The following DCUN1D5 variants were observed in gnomAD, a reference collection of about 807,000 sequenced individuals.
DCUN1D5 encodes DCN1-like protein 5.
A neutral mutation model predicts 38.3 loss-of-function variants in DCUN1D5; 10 were observed. The observed-to-expected ratio is 0.26, with a 90% CI of 0.16 to 0.44. DCUN1D5 has a LOEUF of 0.44. Ranked by LOEUF, DCUN1D5 falls within the 20% of genes least tolerant of loss-of-function variation. DCUN1D5 has a pLI of 1.00. For synonymous variants in DCUN1D5, 93 were observed against 90.9 expected, an observed-to-expected ratio of 1.02 and a Z score of -0.13; for missense variants, 148 against 275.3, an observed-to-expected ratio of 0.54 and a Z score of 3.27.
rs1204227855 is a variant in DCUN1D5, at chr11:103,063,555, A to G, written c.658+720T>C. Among the ~76,000 whole-genome samples the G allele has an allele frequency of 6.6e-6, 1 of 152,152 alleles. No homozygotes were observed. Among genetic ancestry groups the G allele is most frequent in the Non-Finnish European group, 1.5e-5 (1 of 67,994 alleles). On this transcript the variant is annotated intron_variant, in intron 7 of 7. Transcript: ENST00000260247. The surrounding 1 kb of genome is among the most constrained non-coding windows in gnomAD (Gnocchi z 4.6). ...TTCAGTGTCACAGAAAAAAGTGTAT[A>G]ATTTCAGTTTAAGTTTATAGGAATG...
intron 4 of DCUN1D5, among the ~76,000 whole-genome samples, chr11:103,067,409 C>T (rs1016050219): frequency 1.3e-5 from 2 of 152,168 alleles, no homozygotes; most frequent in African/African-American, 4.8e-5. Flanking sequence ...TGCCATACTT[C>T]AGCACCCATT....
At chr11:103,069,156 C>A (rs1490394853) in intron 4 of DCUN1D5, among the ~76,000 whole-genome samples, 1 of 152,144 alleles carries the variant, frequency 6.6e-6, no homozygotes, top group African/African-American at 2.4e-5. Context: ...AAAATAAACA[C>A]AAGACCCTGA....
rs1032456703 is a variant in DCUN1D5 at position 103,053,847 on chromosome 11, A to G, written c.*8512T>C. On this transcript the variant is annotated 3_prime_UTR_variant, in exon 8 of 8. Coordinates refer to ENST00000260247, the MANE Select transcript of DCUN1D5 (RefSeq NM_032299.4). This position sits in a 1 kb window ranked among gnomAD's most constrained non-coding sequence, Gnocchi z 4.8. The stretch of plus-strand genomic sequence containing the variant: ...TTATTGAACACAAGTCCATCCTATG[A>G]GGTTCAATTGATGTTTTTCCAGATA... 1.3e-5 allele frequency: 2 copies of G among 152,110 alleles called. No individual in the cohort carries two copies. The highest frequency in any genetic ancestry group is 2.9e-5 in the Non-Finnish European group (2 of 67,984). 9.4% of individuals were successfully genotyped at this position (152,110 alleles called of 1,614,324 possible).
rs945377857 is a variant in DCUN1D5, at chr11:103,092,006, G to A, written c.-134C>T. 3 of 781,614 alleles carry A rather than the reference G, an allele frequency of 3.8e-6. No homozygotes were observed. The highest frequency in any genetic ancestry group is 5.9e-6 in the Non-Finnish European group (3 of 506,984). The allele number at this position is 781,614 out of a possible 1,614,324, so 48.4% of individuals were successfully genotyped here. The stretch of plus-strand genomic sequence containing the variant: ...GGAGCAGAGTCGCCAGCCCGCACCG[G>A]CGCGGCCCAGCCCGGCCGCCGCCCG... On this transcript the variant is annotated 5_prime_UTR_variant, in exon 1 of 8. Coordinates refer to ENST00000260247, the MANE Select transcript of DCUN1D5 (RefSeq NM_032299.4).
rs1861876838 is a variant in DCUN1D5, at chr11:103,056,534, C to G, written c.*5825G>C. ...CCTATCCTCACACACTCTCTGGGCCCCTTCCTCAACTTACTTTCCCCATAT... is the reference window on the plus strand; with the variant it reads ...CCTATCCTCACACACTCTCTGGGCCGCTTCCTCAACTTACTTTCCCCATAT... On this transcript the variant is annotated 3_prime_UTR_variant, in exon 8 of 8. Coordinates refer to ENST00000260247, the MANE Select transcript of DCUN1D5 (RefSeq NM_032299.4). This position sits in a 1 kb window ranked among gnomAD's most constrained non-coding sequence, Gnocchi z 4.9. 6.6e-6 allele frequency among the ~76,000 whole-genome samples: 1 copy of G among 152,128 alleles called. No individual in the cohort carries two copies. Among genetic ancestry groups the G allele is most frequent in the Non-Finnish European group, 1.5e-5 (1 of 68,024 alleles).
chr11:103,080,944 G>C (rs1862546683), intron 4 of DCUN1D5, among the ~76,000 whole-genome samples: 1 of 152,012 alleles, frequency 6.6e-6, no homozygotes, highest in African/African-American at 2.4e-5. Context: ...AGGAGGCGGA[G>C]GTTGCAGTGA....
At chr11:103,089,830 A>G (rs1591232309) in intron 1 of DCUN1D5, among the ~76,000 whole-genome samples, 1 of 152,190 alleles carries the variant, frequency 6.6e-6, no homozygotes, top group East Asian at 1.9e-4. Flanking sequence ...CTAAGGGTAT[A>G]TTAAATTACA....
chr11:103,067,874 T>C (rs1862171632), intron 4 of DCUN1D5, among the ~76,000 whole-genome samples: 1 of 152,108 alleles, frequency 6.6e-6, no homozygotes, highest in South Asian at 2.1e-4. Context: ...TTGTAGTACA[T>C]AAGACTCAGA....
At position 103,077,642 on chromosome 11, in the gene DCUN1D5, C is replaced by T. The variant is rs2134623129; in HGVS notation, c.341+5106G>A. Among the ~76,000 whole-genome samples the T allele has an allele frequency of 6.6e-6, 1 of 152,248 alleles. No homozygotes were observed. Among genetic ancestry groups the T allele is most frequent in the African/African-American group, 2.4e-5 (1 of 41,554 alleles). The stretch of plus-strand genomic sequence containing the variant: ...AAGGGAGGCTTTTGAACTTGTGTTT[C>T]ATTAAAGACCTTTAAAGTGAGAAGA... On this transcript the variant is annotated intron_variant, in intron 4 of 7. Transcript: ENST00000260247. The surrounding 1 kb of genome is among the most constrained non-coding windows in gnomAD (Gnocchi z 4.3).
At chr11:103,079,043 C>T (rs1008772986) in intron 4 of DCUN1D5, among the ~76,000 whole-genome samples, 2 of 152,206 alleles carry the variant, frequency 1.3e-5, no homozygotes, top group Non-Finnish European at 2.9e-5. Context: ...AGGCAAGCGG[C>T]AGGCGAGTGA....
rs1008010740 is a variant in DCUN1D5 at position 103,056,515 on chromosome 11, C to T, written c.*5844G>A. Reference sequence around the variant, plus strand: ...CATGCTACTTAATAGTAATCCTATCCTCACACACTCTCTGGGCCCCTTCCT... The same window carrying T: ...CATGCTACTTAATAGTAATCCTATCTTCACACACTCTCTGGGCCCCTTCCT... On this transcript the variant is annotated 3_prime_UTR_variant, in exon 8 of 8. Transcript: ENST00000260247. This position sits in a 1 kb window ranked among gnomAD's most constrained non-coding sequence, Gnocchi z 4.9. 5.9e-5 allele frequency among the ~76,000 whole-genome samples: 9 copies of T among 152,166 alleles called. No homozygotes were observed. The highest frequency in any genetic ancestry group is 2.2e-4 in the African/African-American group (9 of 41,434).
intron 4 of DCUN1D5, among the ~76,000 whole-genome samples, chr11:103,075,792 C>A (rs1441825793): frequency 6.6e-6 from 1 of 152,142 alleles, no homozygotes; most frequent in Non-Finnish European, 1.5e-5. Flanking sequence ...ATAAGTTAAC[C>A]AGAATTCCTT....
At chr11:103,082,885 G>C in intron 3 of DCUN1D5, 46 bp from the exon 4 acceptor site, 1 of 1,396,748 alleles carries the variant, frequency 7.2e-7, no homozygotes, top group Non-Finnish European at 1.0e-6. Context: ...TCAGCATAGA[G>C]ATAATCATGT....
At chr11:103,068,829 C>G (rs1266772074) in intron 4 of DCUN1D5, among the ~76,000 whole-genome samples, 2 of 135,138 alleles carry the variant, frequency 1.5e-5, no homozygotes, top group African/African-American at 6.1e-5. Flanking sequence ...TACCCCCAAA[C>G]CTAAAAATTA....
chr11:103,089,787 A>G (rs940442298), intron 1 of DCUN1D5, among the ~76,000 whole-genome samples: 1 of 152,138 alleles, frequency 6.6e-6, no homozygotes, highest in Non-Finnish European at 1.5e-5. Flanking sequence ...CTAAGCTTAA[A>G]TAGATTTTTA....
chr11:103,065,063 T>C lies in DCUN1D5; in HGVS notation c.556-686A>G, dbSNP rs746032200. Among the ~76,000 whole-genome samples, 8 of 152,066 alleles carry C rather than the reference T, an allele frequency of 5.3e-5. No homozygotes were observed. Among genetic ancestry groups the C allele is most frequent in the Non-Finnish European group, 1.0e-4 (7 of 68,012 alleles). On this transcript the variant is annotated intron_variant, in intron 6 of 7. Coordinates refer to ENST00000260247, the MANE Select transcript of DCUN1D5 (RefSeq NM_032299.4). The surrounding 1 kb of genome is among the most constrained non-coding windows in gnomAD (Gnocchi z 4.6). Reference sequence around the variant, plus strand: ...CCCAAAACTACTAATAGGAAGAAAATAGATACCATCCATCAAAAATAATTT... The same window carrying C: ...CCCAAAACTACTAATAGGAAGAAAACAGATACCATCCATCAAAAATAATTT...
At chr11:103,090,853 A>T (rs968457175) in intron 1 of DCUN1D5, among the ~76,000 whole-genome samples, 2 of 152,222 alleles carry the variant, frequency 1.3e-5, no homozygotes, top group Non-Finnish European at 2.9e-5. Context: ...CGGAGGTTGC[A>T]GTAAGCGGAG....
intron 4 of DCUN1D5, among the ~76,000 whole-genome samples, chr11:103,070,280 G>C (rs1241524619): frequency 6.6e-6 from 1 of 152,056 alleles, no homozygotes; most frequent in Non-Finnish European, 1.5e-5. Context: ...ATTAAAAAAA[G>C]CATGACCCAA....
Position 103,062,494 on chromosome 11 carries a change from G to T in DCUN1D5, c.659-80C>A. On this transcript the variant is annotated intron_variant, in intron 7 of 7. Coordinates refer to ENST00000260247, the MANE Select transcript of DCUN1D5 (RefSeq NM_032299.4). The surrounding 1 kb of genome is among the most constrained non-coding windows in gnomAD (Gnocchi z 4.6). ...ATAAAACAAACTCCCCACGAGCTCT[G>T]CAATGACAGAGGAATGACCCTTCCT... is the stretch of plus-strand genomic sequence containing the variant. 8.2e-7 allele frequency: 1 copy of T among 1,223,020 alleles called. No homozygotes were observed. The highest frequency in any genetic ancestry group is 1.2e-6 in the Non-Finnish European group (1 of 843,336). The allele number at this position is 1,223,020 out of a possible 1,614,324, so 75.8% of individuals were successfully genotyped here. A position where few individuals can be genotyped will look rare whatever the true frequency, so the allele number is the denominator to read the frequency against.
Sources: allele counts gnomAD v4.1 joint callset (sites outside exome capture counted in the v4.1 genomes callset), GRCh38; gene constraint gnomAD v4.1.1; non-coding constraint Gnocchi (gnomAD v3.1); transcripts MANE v1.5; gene names NCBI Gene and HGNC (gene_info 2026-07-23, HGNC 2026-07-21).